TRPS1: variants seen among roughly 807,000 people sequenced by gnomAD.
TRPS1 encodes the protein transcriptional repressor GATA binding 1.
Under a neutral mutation model 101.2 loss-of-function variants are expected in TRPS1, and 6 were observed. The ratio of observed to expected loss-of-function variants is 0.06; its 90% CI spans 0.03 to 0.12. TRPS1 has a LOEUF of 0.12. Ranked by LOEUF, TRPS1 falls within the 10% of genes least tolerant of loss-of-function variation. TRPS1 has a pLI of 1.00. For synonymous variants in TRPS1, 578 were observed against 589.8 expected (o/e 0.98, Z 0.29); for missense variants, 1,363 against 1,567.0 (o/e 0.87, Z 2.20).
At chr8:115,641,859 G>A (rs1189269282) in intron 1 of TRPS1, among the ~76,000 whole-genome samples, 1 of 151,920 alleles carries the variant, frequency 6.6e-6, no homozygotes. Context: ...CAGCCTGAGT[G>A]ACAGAATGAG....
intron 5 of TRPS1, among the ~76,000 whole-genome samples, chr8:115,491,193 T>TTCA (rs1248177001): frequency 6.6e-6 from 1 of 152,248 alleles, no homozygotes; most frequent in Non-Finnish European, 1.5e-5. Context: ...AGCTTTGTTA[T>TTCA]TCACTATTAC....
intron 5 of TRPS1, among the ~76,000 whole-genome samples, chr8:115,481,427 A>C (rs1426585607): frequency 6.6e-6 from 1 of 151,464 alleles, no homozygotes; most frequent in Non-Finnish European, 1.5e-5. Flanking sequence ...AACAAAACCC[A>C]TACAGAGTAA....
intron 3 of TRPS1, among the ~76,000 whole-genome samples, 156 bp downstream of exon 3, chr8:115,618,976 C>A (rs1818326553): frequency 6.6e-6 from 1 of 152,150 alleles, no homozygotes; most frequent in Non-Finnish European, 1.5e-5. Context: ...TCTGAATATA[C>A]TTGTATGAAG....
chr8:115,418,307 G>C lies in TRPS1; in HGVS notation c.2823+23C>G. 1 of 1,614,048 alleles carries C rather than the reference G, an allele frequency of 6.2e-7. No individual in the cohort carries two copies. The highest frequency in any genetic ancestry group is 8.5e-7 in the Non-Finnish European group (1 of 1,179,950). ...AACACTGCTTTATAAAGCTTTTCCT[G>C]AAAGAGTGGAACAAGTTCTTACCGA... On this transcript the variant is annotated intron_variant, in intron 6 of 6. Transcript: ENST00000395715. This position sits in a 1 kb window ranked among gnomAD's most constrained non-coding sequence, Gnocchi z 4.3.
Position 115,411,750 on chromosome 8 carries a change from A to G in TRPS1, c.*2273T>C, listed in dbSNP as rs1812794461. The stretch of plus-strand genomic sequence containing the variant: ...TAAGGCCCGTTAACAATGAAACTGA[A>G]GCAGAGGACTTAGTCCTGATTTCTG... On this transcript the variant is annotated 3_prime_UTR_variant, in exon 7 of 7. Coordinates refer to ENST00000395715, the MANE Select transcript of TRPS1 (RefSeq NM_014112.5). The G allele has an allele frequency of 6.6e-6, 1 of 152,346 alleles. No homozygotes were observed. Among genetic ancestry groups the G allele is most frequent in the African/African-American group, 2.4e-5 (1 of 41,440 alleles). The allele number at this position is 152,346 out of a possible 1,614,324, so 9.4% of individuals were successfully genotyped here. A position where few individuals can be genotyped will look rare whatever the true frequency, so the allele number is the denominator to read the frequency against.
At chr8:115,470,759 A>T (rs1814447888) in intron 5 of TRPS1, among the ~76,000 whole-genome samples, 1 of 152,240 alleles carries the variant, frequency 6.6e-6, no homozygotes, top group African/African-American at 2.4e-5. Flanking sequence ...AAACTAACAT[A>T]TCAATGATTC....
At chr8:115,522,747 TTAAAA>T (rs1261184594) in intron 5 of TRPS1, among the ~76,000 whole-genome samples, 15 of 152,136 alleles carry the variant, frequency 9.9e-5, no homozygotes, top group Non-Finnish European at 2.9e-5. Flanking sequence ...TTAATAACTG[TTAAAA>T]TAATACATTG....
rs564503364 is a variant in TRPS1, at chr8:115,408,774, G to A, written c.*5249C>T. ...CATATGAAAGACATTTTCTGCTGGT[G>A]AATATTGCTGTAAGTTAAATTTTAC... On this transcript the variant is annotated 3_prime_UTR_variant, in exon 7 of 7. Transcript: ENST00000395715. The A allele has an allele frequency of 5.6e-4, 86 of 152,330 alleles. No individual in the cohort carries two copies. The highest frequency in any genetic ancestry group is 6.8e-3 in the Middle Eastern group (2 of 294). 9.4% of individuals were successfully genotyped at this position (152,330 alleles called of 1,614,324 possible).
At chr8:115,534,752 T>C (rs547315982) in intron 5 of TRPS1, among the ~76,000 whole-genome samples, 2 of 152,172 alleles carry the variant, frequency 1.3e-5, no homozygotes, top group Non-Finnish European at 2.9e-5. Context: ...GATGCTAAAC[T>C]GTTTTGGAAT....
chr8:115,560,097 C>CTGTT (rs72315836), intron 5 of TRPS1, among the ~76,000 whole-genome samples: 2 of 151,908 alleles, frequency 1.3e-5, no homozygotes, highest in Non-Finnish European at 2.9e-5. Flanking sequence ...TCTGATTAAT[C>CTGTT]TGTTTGTTTG....
intron 5 of TRPS1, among the ~76,000 whole-genome samples, chr8:115,448,963 T>C (rs1402602333): frequency 6.6e-6 from 1 of 152,198 alleles, no homozygotes; most frequent in Non-Finnish European, 1.5e-5. Flanking sequence ...TAACTGTCAA[T>C]ACAGACCCCT....
intron 5 of TRPS1, among the ~76,000 whole-genome samples, chr8:115,455,310 T>A (rs1350025967): frequency 6.6e-6 from 1 of 152,252 alleles, no homozygotes; most frequent in Non-Finnish European, 1.5e-5. Flanking sequence ...TACTATTTAG[T>A]AATAGGAGTT....
At chr8:115,658,707 TAA>T (rs1411742794) in intron 1 of TRPS1, among the ~76,000 whole-genome samples, 1 of 151,966 alleles carries the variant, frequency 6.6e-6, no homozygotes, top group African/African-American at 2.4e-5. Context: ...ATTCTGGGAG[TAA>T]AAAGTACATG....
chr8:115,591,673 T>C (rs1193621379), intron 4 of TRPS1, among the ~76,000 whole-genome samples: 4 of 152,024 alleles, frequency 2.6e-5, no homozygotes, highest in Admixed American at 6.6e-5. Context: ...TGGAGAGCTG[T>C]AGGAACACAG....
chr8:115,580,234 G>GAAAAA (rs10642817), intron 5 of TRPS1, among the ~76,000 whole-genome samples: 101 of 133,118 alleles, frequency 7.6e-4, no homozygotes, highest in African/African-American at 2.7e-3. Context: ...AGGGAGAGAA[G>GAAAAA]AAAAAAAAAA....
chr8:115,651,801 A>C (rs540728837), intron 1 of TRPS1, among the ~76,000 whole-genome samples: 165 of 152,320 alleles, frequency 1.1e-3, no homozygotes, highest in African/African-American at 3.7e-3. Flanking sequence ...AGGAGGGAAG[A>C]ATATGAACAA....
Position 115,604,635 on chromosome 8 carries a change from C to A in TRPS1, c.1334G>T (p.Ser445Ile). Reference protein sequence around the residue: ...SSRQNGTEATSYYWCKFCSFS... With the variant: ...SSRQNGTEATIYYWCKFCSFS... ...ACTACAAAATTTACACCAGTAGTAA[C>A]TGGTGGCCTCTGTACCATTTTGTCT... The change falls in exon 4 of 7, where the codon AGT becomes ATT. Residue 445 changes from serine (S) to isoleucine (I), a missense_variant. By Grantham distance (142) the Ser-to-Ile change is moderately radical. This residue lies in a region of TRPS1 where 1,020 missense variants were observed against 1,073.0 expected (regional missense o/e 0.95). Transcript: ENST00000395715. This position sits in a 1 kb window ranked among gnomAD's most constrained non-coding sequence, Gnocchi z 4.1. The A allele has an allele frequency of 6.2e-7, 1 of 1,613,990 alleles. No individual in the cohort carries two copies.
chr8:115,572,450 AT>A (rs33922136), intron 5 of TRPS1, among the ~76,000 whole-genome samples: 15 of 151,050 alleles, frequency 9.9e-5, no homozygotes, highest in South Asian at 4.2e-4. Context: ...ACATTTTGCT[AT>A]TTTTTTTTTG....
At chr8:115,507,779 A>G (rs1404632088) in intron 5 of TRPS1, among the ~76,000 whole-genome samples, 1 of 152,118 alleles carries the variant, frequency 6.6e-6, no homozygotes, top group Non-Finnish European at 1.5e-5. Context: ...ATTGAGAAGT[A>G]ACATTTATTA....
Sources: gnomAD v4.1 joint callset for allele counts (sites outside exome capture counted in the v4.1 genomes callset) on GRCh38, gnomAD v4.1.1 for gene constraint, gnomAD v4.1.1 regional missense constraint, Gnocchi (gnomAD v3.1) non-coding constraint, MANE v1.5 for transcripts, NCBI Gene and HGNC (gene_info 2026-07-23, HGNC 2026-07-21) for gene names.